The following SNTN variants were observed in gnomAD, a reference collection of about 807,000 sequenced individuals.
SNTN encodes the protein sentan.
A neutral mutation model predicts 12.3 loss-of-function variants in SNTN; 13 were observed. The observed-to-expected ratio is 1.05, with a 90% confidence interval of 0.69 to 1.67. SNTN has a LOEUF of 1.67. Ranked by LOEUF, SNTN falls within the 40% of genes most tolerant of loss-of-function variation. The pLI is 0.00. For missense variants in SNTN, 189 were observed against 169.8 expected (o/e 1.11, Z -0.63); for synonymous variants, 69 against 58.5 (o/e 1.18, Z -0.82).
At position 63,664,080 on chromosome 3, in the gene SNTN, A is replaced by G; in HGVS notation, c.429A>G (p.Val143=). The change falls in exon 4 of 4, where the codon GTA becomes GTG. Residue 143 remains valine, a synonymous_variant. Coordinates refer to ENST00000343837, the MANE Select transcript of SNTN (RefSeq NM_001080537.2). ...ATCTGCTACAAAATATACGGAATGT[A>G]AAAATTATGAAATGAACAGTTTTAA... ...MSDLLQNIRN[V]KIMK 6.2e-7 allele frequency: 1 copy of G among 1,606,856 alleles called. No homozygotes were observed. The highest frequency in any genetic ancestry group is 1.1e-5 in the South Asian group (1 of 88,956).
At chr3:63,659,953 ATGT>A (rs1700726245) in intron 3 of SNTN, 89 bp downstream of exon 3, 8 of 1,488,242 alleles carry the variant, frequency 5.4e-6, no homozygotes, top group Non-Finnish European at 7.4e-6. Flanking sequence ...GGTCCCTGTC[ATGT>A]TGTCTCACGT....
intron 3 of SNTN, among the ~76,000 whole-genome samples, chr3:63,663,133 T>C (rs1371663145): frequency 2.0e-5 from 3 of 152,150 alleles, no homozygotes; most frequent in Admixed American, 6.5e-5. Context: ...ATTTTGAAAA[T>C]TTAAAAACAT....
At chr3:63,659,198 C>CA (rs758000994) in intron 2 of SNTN, among the ~76,000 whole-genome samples, 11 of 152,156 alleles carry the variant, frequency 7.2e-5, no homozygotes, top group Non-Finnish European at 1.6e-4. Context: ...GCTGGGAGAT[C>CA]ACTCTGTTTT....
chr3:63,657,059 C>A lies in SNTN; in HGVS notation c.145+2263C>A, dbSNP rs1309197438. 2.0e-5 allele frequency among the ~76,000 whole-genome samples: 3 copies of A among 152,180 alleles called. No homozygotes were observed. In the East Asian group the frequency reaches 5.8e-4, roughly 29 times the overall value. ...AATGTGTGTCGTATATTATTGTCCA[C>A]CAGAACACAAGCTCCAAAAAGTCAG... On this transcript the variant is annotated intron_variant, in intron 2 of 3. Coordinates refer to ENST00000343837, the MANE Select transcript of SNTN (RefSeq NM_001080537.2).
intron 1 of SNTN, among the ~76,000 whole-genome samples, chr3:63,654,100 T>G (rs1700650490): frequency 1.3e-5 from 2 of 152,210 alleles, no homozygotes; most frequent in Admixed American, 6.5e-5. Context: ...CTCTATGTGC[T>G]CTGCCATTAC....
At chr3:63,663,639 G>A in intron 3 of SNTN, 1 of 406,358 alleles carries the variant, frequency 2.5e-6, no homozygotes. Context: ...AAAAGAGCCT[G>A]GAACCCTCCC....
intron 1 of SNTN, among the ~76,000 whole-genome samples, chr3:63,653,924 A>C (rs1575748638): frequency 6.6e-6 from 1 of 151,798 alleles, no homozygotes. Context: ...CCCACACTAT[A>C]CCTCCTCTGG....
At chr3:63,655,428 C>T (rs1049480802) in intron 2 of SNTN, among the ~76,000 whole-genome samples, 1 of 152,108 alleles carries the variant, frequency 6.6e-6, no homozygotes, top group African/African-American at 2.4e-5. Flanking sequence ...GATGACTAGC[C>T]AAACTCTCCA....
intron 3 of SNTN, among the ~76,000 whole-genome samples, chr3:63,662,002 G>T (rs896175112): frequency 5.3e-5 from 8 of 152,130 alleles, no homozygotes; most frequent in African/African-American, 1.9e-4. Context: ...CTCAGTGTAG[G>T]CTAAACCCTA....
intron 3 of SNTN, among the ~76,000 whole-genome samples, chr3:63,661,107 T>C (rs780939073): frequency 2.2e-4 from 34 of 152,338 alleles, no homozygotes; most frequent in Non-Finnish European, 4.0e-4. Flanking sequence ...AAAATAATAG[T>C]GAAAAAATAG....
chr3:63,656,429 C>G (rs984253224), intron 2 of SNTN, among the ~76,000 whole-genome samples: 3 of 151,926 alleles, frequency 2.0e-5, no homozygotes, highest in Non-Finnish European at 4.4e-5. Context: ...ATACTGAGCA[C>G]TTGAAATTTG....
Position 63,664,091 on chromosome 3 carries a change from A to C in SNTN, c.440A>C (p.Lys147Thr), listed in dbSNP as rs1213486958. ...AATATACGGAATGTAAAAATTATGAAATGAACAGTTTTAAATATGCTGTAT... is the reference window on the plus strand; with the variant it reads ...AATATACGGAATGTAAAAATTATGACATGAACAGTTTTAAATATGCTGTAT... ...LQNIRNVKIM[K>T] The change falls in exon 4 of 4, where the codon AAA becomes ACA. Residue 147 changes from lysine to threonine, a missense_variant. Coordinates refer to ENST00000343837, the MANE Select transcript of SNTN (RefSeq NM_001080537.2). 2 of 1,604,412 alleles carry C rather than the reference A, an allele frequency of 1.2e-6. No individual in the cohort carries two copies. The highest frequency in any genetic ancestry group is 2.2e-5 in the East Asian group (1 of 44,682).
At chr3:63,659,676 G>A (rs754718906) in intron 2 of SNTN, 49 bp from the exon 3 acceptor site, 4 of 1,607,680 alleles carry the variant, frequency 2.5e-6, no homozygotes, top group Non-Finnish European at 3.4e-6. Flanking sequence ...GTCTGGGGAA[G>A]GGTTATTTCT....
intron 2 of SNTN, among the ~76,000 whole-genome samples, chr3:63,655,730 C>A (rs1700672434): frequency 6.6e-6 from 1 of 151,958 alleles, no homozygotes; most frequent in Non-Finnish European, 1.5e-5. Context: ...TTAAAAAAAA[C>A]ACAGGATAAA....
chr3:63,656,132 C>T (rs1372319858), intron 2 of SNTN, among the ~76,000 whole-genome samples: 13 of 152,184 alleles, frequency 8.5e-5, no homozygotes. Flanking sequence ...TGAGGAGATT[C>T]TTTCATTCTT....
At chr3:63,657,745 C>A (rs953818460) in intron 2 of SNTN, among the ~76,000 whole-genome samples, 1 of 152,154 alleles carries the variant, frequency 6.6e-6, no homozygotes, top group African/African-American at 2.4e-5. Context: ...TCCACAATCA[C>A]GATGGGGATG....
chr3:63,664,245 C>A lies in SNTN; in HGVS notation c.*150C>A. Reference sequence around the variant, plus strand: ...GCTGGTATTCAGATCCAATGTAACTCCAAATATTTACCCATACACTTCAAG... The same window carrying A: ...GCTGGTATTCAGATCCAATGTAACTACAAATATTTACCCATACACTTCAAG... On this transcript the variant is annotated 3_prime_UTR_variant, in exon 4 of 4. Coordinates refer to ENST00000343837, the MANE Select transcript of SNTN (RefSeq NM_001080537.2). 1 of 679,942 alleles carries A rather than the reference C, an allele frequency of 1.5e-6. No homozygotes were observed. The highest frequency in any genetic ancestry group is 2.4e-6 in the Non-Finnish European group (1 of 417,324). The allele number at this position is 679,942 out of a possible 1,614,324, so 42.1% of individuals were successfully genotyped here. A position where few individuals can be genotyped will look rare whatever the true frequency, so the allele number is the denominator to read the frequency against.
intron 3 of SNTN, among the ~76,000 whole-genome samples, chr3:63,660,199 G>A (rs1159266795): frequency 6.6e-6 from 1 of 152,214 alleles, no homozygotes; most frequent in South Asian, 2.1e-4. Context: ...GAGATCTGAA[G>A]AATAAGCAGG....
At chr3:63,662,271 C>T (rs542944038) in intron 3 of SNTN, among the ~76,000 whole-genome samples, 1 of 152,330 alleles carries the variant, frequency 6.6e-6, no homozygotes, top group Admixed American at 6.5e-5. Context: ...ACTGGGCTTT[C>T]TCCTCAATCC....
Sources: gnomAD v4.1 joint callset for allele counts (sites outside exome capture counted in the v4.1 genomes callset) on GRCh38, gnomAD v4.1.1 for gene constraint, MANE v1.5 for transcripts, NCBI Gene and HGNC (gene_info 2026-07-23, HGNC 2026-07-21) for gene names.